ENAH: variants seen among roughly 807,000 people sequenced by gnomAD.
ENAH encodes protein enabled homolog.
A neutral mutation model predicts 78.7 loss-of-function variants in ENAH; 23 were observed. The ratio of observed to expected loss-of-function variants is 0.29; its 90% confidence interval spans 0.21 to 0.41. The LOEUF is 0.41. Ranked by LOEUF, ENAH falls within the 10% of genes least tolerant of loss-of-function variation. The pLI, the probability that ENAH is intolerant of heterozygous loss-of-function variation, is 1.00. For synonymous variants in ENAH, 226 were observed against 241.0 expected (o/e 0.94, Z 0.58); for missense variants, 544 against 691.0 (o/e 0.79, Z 2.39).
At chr1:225,614,008 G>C (rs1446378187) in intron 1 of ENAH, among the ~76,000 whole-genome samples, 1 of 152,058 alleles carries the variant, frequency 6.6e-6, no homozygotes, top group Non-Finnish European at 1.5e-5. Context: ...TGCTAGAGCA[G>C]CTCACAGAAC....
At chr1:225,631,813 G>GT (rs1659133692) in intron 1 of ENAH, among the ~76,000 whole-genome samples, 1 of 151,652 alleles carries the variant, frequency 6.6e-6, no homozygotes, top group African/African-American at 2.4e-5. Flanking sequence ...GTTTTGTTTT[G>GT]TTTTTTTAAT....
chr1:225,501,001 C>G lies in ENAH; in HGVS notation c.1608G>C (p.Arg536Ser). The G allele has an allele frequency of 6.2e-7, 1 of 1,614,016 alleles. No individual in the cohort carries two copies. Among genetic ancestry groups the G allele is most frequent in the Non-Finnish European group, 8.5e-7 (1 of 1,179,944 alleles). Residue 536 changes from arginine to serine, a missense_variant, in exon 12 of 14, where the codon AGG (arginine) becomes AGC (serine). By Grantham distance (110) the Arg-to-Ser change is moderately radical. Coordinates refer to ENST00000366843, the MANE Select transcript of ENAH (RefSeq NM_018212.6). ...GCCACTGAGCACCCACCTGCTTCAG[C>G]CTGTCATAGTCAAGTCCTTCCGTCT... Reference protein sequence around the residue: ...GVQTEGLDYDRLKQDILDEMR... With the variant: ...GVQTEGLDYDSLKQDILDEMR...
In ENAH at chr1:225,562,591, A is replaced by C. The variant is rs1478673098; in HGVS notation, c.171+4658T>G. 3.8e-3 allele frequency among the ~76,000 whole-genome samples: 568 copies of C among 148,572 alleles called. 7 individuals carry two copies. The highest frequency in any genetic ancestry group is 0.011 in the African/African-American group (421 of 39,722). On this transcript the variant is annotated intron_variant, in intron 2 of 13. Transcript: ENST00000366843. ...CGTCTCAAAAAAAAAAAAAAAAAAA[A>C]AAAAAAAAAAACACACCCAAGCATA...
At chr1:225,508,164 C>T (rs912049960) in intron 10 of ENAH, 147 bp from the exon 11 acceptor site, 3 of 463,794 alleles carry the variant, frequency 6.5e-6, no homozygotes, top group African/African-American at 2.0e-5. Context: ...TAATTGAAAT[C>T]TGTAAGGACT....
chr1:225,587,052 G>A lies in ENAH; in HGVS notation c.6-19638C>T, dbSNP rs79294809. Among the ~76,000 whole-genome samples, 48 of 152,256 alleles carry A rather than the reference G, an allele frequency of 3.2e-4. 2 individuals carry two copies. In the East Asian group the frequency reaches 9.1e-3, roughly 29 times the overall value. ...AGGAAGAGAAGTGATTTCCCCTAAT[G>A]TGATAAAGATCATATATTAAAATAT... On this transcript the variant is annotated intron_variant, in intron 1 of 13. Coordinates refer to ENST00000366843, the MANE Select transcript of ENAH (RefSeq NM_018212.6).
chr1:225,567,505 C>T (rs1558828753), intron 1 of ENAH, 91 bp from the exon 2 acceptor site: 10 of 1,276,660 alleles, frequency 7.8e-6, no homozygotes, highest in African/African-American at 1.5e-5. Context: ...AGTCAGTCAA[C>T]GATCAGTGCT....
chr1:225,580,911 C>A (rs202114419), intron 1 of ENAH, among the ~76,000 whole-genome samples: 7 of 120,990 alleles, frequency 5.8e-5, no homozygotes, highest in Admixed American at 8.2e-5. Flanking sequence ...AAGAAAAAAA[C>A]CAAAAAAAAA....
rs2096238877 is a variant in ENAH at position 225,494,238 on chromosome 1, A to G, written c.*3537T>C. ...AAAAATACAAGGATTGTATTTTTGT[A>G]TTTCTAATGAAGACATCAGAATTAT... On this transcript the variant is annotated 3_prime_UTR_variant, in exon 14 of 14. Transcript: ENST00000366843. 1 of 152,016 alleles carries G rather than the reference A, an allele frequency of 6.6e-6. No individual in the cohort carries two copies. Among genetic ancestry groups the G allele is most frequent in the South Asian group, 2.1e-4 (1 of 4,826 alleles). The allele number at this position is 152,016 out of a possible 1,614,324, so 9.4% of individuals were successfully genotyped here.
Position 225,605,365 on chromosome 1 carries a change from C to T in ENAH, c.6-37951G>A, listed in dbSNP as rs72753047. Among the ~76,000 whole-genome samples, 237 of 152,268 alleles carry T rather than the reference C, an allele frequency of 1.6e-3. 1 individual carries two copies. The highest frequency in any genetic ancestry group is 3.2e-3 in the Non-Finnish European group (215 of 68,010). Reference sequence around the variant, plus strand: ...CTCGATGTCAGGCACTTTTAACATACATCGTCCTTAATTTCTTACCATCAT... The same window carrying T: ...CTCGATGTCAGGCACTTTTAACATATATCGTCCTTAATTTCTTACCATCAT... On this transcript the variant is annotated intron_variant, in intron 1 of 13. Coordinates refer to ENST00000366843, the MANE Select transcript of ENAH (RefSeq NM_018212.6).
intron 12 of ENAH, among the ~76,000 whole-genome samples, chr1:225,499,078 A>G (rs2096266667): frequency 6.6e-6 from 1 of 152,224 alleles, no homozygotes. Flanking sequence ...AAGATTTAGT[A>G]TGATGAAAAT....
intron 1 of ENAH, among the ~76,000 whole-genome samples, chr1:225,575,189 T>A (rs2096782788): frequency 6.6e-6 from 1 of 152,192 alleles, no homozygotes. Flanking sequence ...AAAAGACTCC[T>A]ACAATGCATC....
At chr1:225,547,541 C>T (rs574316156) in intron 3 of ENAH, among the ~76,000 whole-genome samples, 2 of 152,290 alleles carry the variant, frequency 1.3e-5, no homozygotes, top group South Asian at 4.1e-4. Context: ...GAACTGAATG[C>T]TTGACTTACA....
intron 1 of ENAH, chr1:225,652,343 C>A (rs1306721491): frequency 1.0e-6 from 1 of 985,394 alleles, no homozygotes; most frequent in African/African-American, 1.7e-5. Context: ...ACGCACGCTT[C>A]GATTCTCGAA....
At chr1:225,517,810 AGTG>A in intron 5 of ENAH, 4 of 1,551,262 alleles carry the variant, frequency 2.6e-6, no homozygotes, top group Non-Finnish European at 3.5e-6. Context: ...TGAGTGTCGC[AGTG>A]GTGGTGTAGG....
chr1:225,595,649 G>C (rs981854848), intron 1 of ENAH, among the ~76,000 whole-genome samples: 6 of 152,164 alleles, frequency 3.9e-5, no homozygotes, highest in African/African-American at 1.4e-4. Context: ...AGCTGGCATA[G>C]GACCCAAATC....
chr1:225,503,228 A>C (rs2096294904), intron 11 of ENAH, among the ~76,000 whole-genome samples: 1 of 152,210 alleles, frequency 6.6e-6, no homozygotes, highest in Non-Finnish European at 1.5e-5. Context: ...GTTTATCAAT[A>C]ACATTATCCC....
In ENAH at chr1:225,653,062, T is replaced by TCGCCG. The variant is rs1663347800; in HGVS notation, c.-377_-373dup. 1 of 159,840 alleles carries TCGCCG rather than the reference T, an allele frequency of 6.3e-6. No homozygotes were observed. Among genetic ancestry groups the TCGCCG allele is most frequent in the Admixed American group, 6.5e-5 (1 of 15,406 alleles). The allele number at this position is 159,840 out of a possible 1,614,324, so 9.9% of individuals were successfully genotyped here. On this transcript the variant is annotated 5_prime_UTR_variant, in exon 1 of 14. Coordinates refer to ENST00000366843, the MANE Select transcript of ENAH (RefSeq NM_018212.6). This position sits in a 1 kb window ranked among gnomAD's most constrained non-coding sequence, Gnocchi z 4.3. ...CGGCCGCCGCTCCACAGGCCCGCGC[T>TCGCCG]CGCCGCGCCGCCGCCGAGGCCGTGT...
intron 1 of ENAH, among the ~76,000 whole-genome samples, chr1:225,598,098 C>T (rs555557584): frequency 1.3e-5 from 2 of 152,052 alleles, no homozygotes; most frequent in Non-Finnish European, 2.9e-5. Flanking sequence ...TTCAGAGCAC[C>T]CAGCTGGACC....
intron 1 of ENAH, among the ~76,000 whole-genome samples, chr1:225,578,447 C>G (rs2096798573): frequency 6.6e-6 from 1 of 152,126 alleles, no homozygotes; most frequent in Non-Finnish European, 1.5e-5. Flanking sequence ...TGCATTCCAG[C>G]TTGGGCGACA....
Sources: gnomAD v4.1 joint callset for allele counts (sites outside exome capture counted in the v4.1 genomes callset) on GRCh38, gnomAD v4.1.1 for gene constraint, Gnocchi (gnomAD v3.1) non-coding constraint, MANE v1.5 for transcripts, NCBI Gene and HGNC (gene_info 2026-07-23, HGNC 2026-07-21) for gene names.